The following MGRN1 variants were observed in gnomAD, a reference collection of about 807,000 sequenced individuals.
The protein encoded by MGRN1 is mahogunin ring finger 1.
In MGRN1, 29 loss-of-function variants were observed where a neutral mutation model predicts 69.2. That is an observed-to-expected ratio of 0.42 (90% confidence interval 0.31 to 0.57). The LOEUF is 0.57. Ranked by LOEUF, MGRN1 falls within the 20% of genes least tolerant of loss-of-function variation. The pLI is 0.15. For synonymous variants in MGRN1, 470 were observed against 344.2 expected (o/e 1.37, Z -4.04); for missense variants, 998 against 796.2 (o/e 1.25, Z -3.05).
chr16:4,684,068 A>C (rs1567240798), intron 16 of MGRN1, 136 bp downstream of exon 16: 2 of 791,378 alleles, frequency 2.5e-6, no homozygotes, highest in African/African-American at 3.4e-5. Flanking sequence ...GCTCTCAGCC[A>C]TGCCCCTGCT....
intron 1 of MGRN1, among the ~76,000 whole-genome samples, chr16:4,639,033 G>A (rs2078099605): frequency 6.6e-6 from 1 of 152,172 alleles, no homozygotes; most frequent in Non-Finnish European, 1.5e-5. Flanking sequence ...CTCACTGGTT[G>A]TGTGACCTGA....
chr16:4,675,352 C>G (rs557935087), intron 10 of MGRN1, among the ~76,000 whole-genome samples: 1 of 152,100 alleles, frequency 6.6e-6, no homozygotes. Flanking sequence ...GTTAAGTGGT[C>G]CTCGTGCCTC....
Position 4,689,696 on chromosome 16 carries a change from C to T in MGRN1, c.*788C>T, listed in dbSNP as rs1408714697. On this transcript the variant is annotated 3_prime_UTR_variant, in exon 17 of 17. Transcript: ENST00000262370. ...TGCAGGGGCTTCTGTTTGGCAGGCC[C>T]CTGCCAGGGAGGACCTGGTGGCCTC... The T allele has an allele frequency of 2.6e-5, 4 of 152,230 alleles. No individual in the cohort carries two copies. Among genetic ancestry groups the T allele is most frequent in the African/African-American group, 9.7e-5 (4 of 41,450 alleles). The allele number at this position is 152,230 out of a possible 1,614,324, so 9.4% of individuals were successfully genotyped here. A position where few individuals can be genotyped will look rare whatever the true frequency, so the allele number is the denominator to read the frequency against.
chr16:4,665,043 G>C, intron 6 of MGRN1, 59 bp from the exon 7 acceptor site: 1 of 1,596,838 alleles, frequency 6.3e-7, no homozygotes, highest in Non-Finnish European at 8.6e-7. Flanking sequence ...TCGGGGAGGT[G>C]AGATGCCTGG....
intron 4 of MGRN1, among the ~76,000 whole-genome samples, chr16:4,656,947 G>T (rs191961496): frequency 1.3e-5 from 2 of 152,006 alleles, no homozygotes; most frequent in Non-Finnish European, 2.9e-5. Flanking sequence ...ACTTAGCACC[G>T]ATGGAAAGGA....
rs1326795201 is a variant in MGRN1 at position 4,649,617 on chromosome 16, C to T, written c.89-748C>T. 3.3e-5 allele frequency: 5 copies of T among 152,414 alleles called. No homozygotes were observed. In the East Asian group the frequency reaches 7.7e-4, roughly 24 times the overall value. 9.4% of individuals were successfully genotyped at this position (152,414 alleles called of 1,614,324 possible). A position where few individuals can be genotyped will look rare whatever the true frequency, so the allele number is the denominator to read the frequency against. ...GTCACTGGATTTAGAGCCCCTCAAT[C>T]CAGTATGACCTCCTCTTAACTTGAT... On this transcript the variant is annotated intron_variant, in intron 1 of 16. Coordinates refer to ENST00000262370, the MANE Select transcript of MGRN1 (RefSeq NM_015246.4).
chr16:4,684,481 C>A (rs2079262014), intron 16 of MGRN1, among the ~76,000 whole-genome samples: 3 of 152,366 alleles, frequency 2.0e-5, no homozygotes, highest in Admixed American at 2.0e-4. Flanking sequence ...CTGGGTCACC[C>A]TGCCCCGGGC....
At chr16:4,688,314 CCT>C in intron 16 of MGRN1, 2 of 987,422 alleles carry the variant, frequency 2.0e-6, no homozygotes, top group Non-Finnish European at 2.4e-6. Context: ...GTGGGAGGCT[CCT>C]CTCTTTGCCT....
intron 12 of MGRN1, chr16:4,680,446 C>T: frequency 7.2e-6 from 2 of 276,394 alleles, no homozygotes; most frequent in Non-Finnish European, 1.4e-5. Flanking sequence ...CCCGCGCATG[C>T]TTCTTGGCCC....
intron 1 of MGRN1, among the ~76,000 whole-genome samples, chr16:4,647,523 A>G (rs2078299377): frequency 1.3e-5 from 2 of 152,234 alleles, no homozygotes; most frequent in African/African-American, 4.8e-5. Context: ...TCTGCTCTGC[A>G]CCAATTTCCC....
chr16:4,647,750 G>A (rs1023622838), intron 1 of MGRN1, among the ~76,000 whole-genome samples: 1 of 152,150 alleles, frequency 6.6e-6, no homozygotes, highest in East Asian at 1.9e-4. Context: ...AAATCAGGGC[G>A]TCCCACTTGC....
intron 16 of MGRN1, chr16:4,686,713 A>T: frequency 2.0e-6 from 2 of 1,019,702 alleles, no homozygotes; most frequent in Non-Finnish European, 2.3e-6. Flanking sequence ...ACATGGGGTG[A>T]GCGTCCCAAG....
chr16:4,644,770 CAGTTA>C (rs2078240014), intron 1 of MGRN1, among the ~76,000 whole-genome samples: 1 of 152,118 alleles, frequency 6.6e-6, no homozygotes, highest in African/African-American at 2.4e-5. Flanking sequence ...TACGTCCTTC[CAGTTA>C]AGTTTTTTTG....
chr16:4,689,021 A>G lies in MGRN1; in HGVS notation c.*113A>G. 3 of 1,369,618 alleles carry G rather than the reference A, an allele frequency of 2.2e-6. No homozygotes were observed. The highest frequency in any genetic ancestry group is 2.9e-6 in the Non-Finnish European group (3 of 1,037,954). 84.8% of individuals were successfully genotyped at this position (1,369,618 alleles called of 1,614,324 possible). ...TGTCTGCATGCCCCCTGTGGCCACC[A>G]GGCTCCGAGGGGCCGTGGTGACTCT... is the stretch of plus-strand genomic sequence containing the variant. On this transcript the variant is annotated 3_prime_UTR_variant, in exon 17 of 17. Coordinates refer to ENST00000262370, the MANE Select transcript of MGRN1 (RefSeq NM_015246.4).
chr16:4,669,513 T>C (rs2078892893), intron 8 of MGRN1, among the ~76,000 whole-genome samples: 1 of 151,134 alleles, frequency 6.6e-6, no homozygotes, highest in Admixed American at 6.6e-5. Flanking sequence ...GTCCCTGTCT[T>C]GGGTGAGCAT....
At chr16:4,682,641 T>C (rs1019478435) in intron 13 of MGRN1, among the ~76,000 whole-genome samples, 182 bp from the exon 14 acceptor site, 7 of 151,354 alleles carry the variant, frequency 4.6e-5, no homozygotes, top group Admixed American at 1.3e-4. Flanking sequence ...TGGTGGCCGC[T>C]GTTGCCTGTT....
At position 4,671,476 on chromosome 16, in the gene MGRN1, G is replaced by C; in HGVS notation, c.795+17G>C. 6.2e-7 allele frequency: 1 copy of C among 1,612,896 alleles called. No individual in the cohort carries two copies. Among genetic ancestry groups the C allele is most frequent in the Non-Finnish European group, 8.5e-7 (1 of 1,178,902 alleles). ...GAGACCAAGGTGTGTATCTGGGTGA[G>C]GTTTCCCTCTGCCATTACAGAAGCC... On this transcript the variant is annotated intron_variant, in intron 9 of 16. Coordinates refer to ENST00000262370, the MANE Select transcript of MGRN1 (RefSeq NM_015246.4).
chr16:4,641,252 C>T (rs74332226), intron 1 of MGRN1, among the ~76,000 whole-genome samples: 4,461 of 152,316 alleles, frequency 0.029, 236 homozygotes, highest in African/African-American at 0.1. Flanking sequence ...CTTCCCCAGG[C>T]CTGGTCCCTT....
chr16:4,636,475 T>G (rs1391654909), intron 1 of MGRN1, among the ~76,000 whole-genome samples: 1 of 152,174 alleles, frequency 6.6e-6, no homozygotes, highest in East Asian at 1.9e-4. Context: ...GACATCCTTG[T>G]GTCTGGCGGT....
Sources: allele counts gnomAD v4.1 joint callset (sites outside exome capture counted in the v4.1 genomes callset), GRCh38; gene constraint gnomAD v4.1.1; transcripts MANE v1.5; gene names NCBI Gene and HGNC (gene_info 2026-07-23, HGNC 2026-07-21).